EIF2S1: variants seen among roughly 807,000 people sequenced by gnomAD.
The protein encoded by EIF2S1 is eukaryotic translation initiation factor 2 subunit 1.
EIF2S1 carries 5 observed loss-of-function variants against 33.5 expected under a neutral mutation model. That is an observed-to-expected ratio of 0.15 (90% CI 0.08 to 0.31). The LOEUF (loss-of-function observed/expected upper bound fraction) is 0.31, where lower values mean the gene tolerates loss of function less well. Ranked by LOEUF, EIF2S1 falls within the 10% of genes least tolerant of loss-of-function variation. The probability of loss-of-function intolerance (pLI) is 1.00; values close to 1 mark genes in which losing one functional copy is unlikely to be tolerated. For missense variants in EIF2S1, 191 were observed against 384.6 expected (o/e 0.50, Z 4.21); for synonymous variants, 99 against 127.5 (o/e 0.78, Z 1.51).
Position 67,364,774 on chromosome 14 carries a change from G to A in EIF2S1, c.7G>A (p.Gly3Ser), listed in dbSNP as rs1258710396. 2 of 1,611,488 alleles carry A rather than the reference G, an allele frequency of 1.2e-6. No homozygotes were observed. Among genetic ancestry groups the A allele is most frequent in the Admixed American group, 1.7e-5 (1 of 59,776 alleles). Residue 3 changes from glycine (G) to serine (S), a missense_variant, in exon 2 of 8, where the codon GGT (glycine) becomes AGT (serine). Physicochemically the swap from Gly to Ser is moderately conservative, Grantham distance 56. Transcript: ENST00000256383. MP[G>S]LSCRFYQHKF... ...CTTTTGTTTAAATTGCAGAATGCCG[G>A]GTCTAAGTTGTAGATTTTATCAACA...
At chr14:67,368,781 G>A (rs922905010) in intron 2 of EIF2S1, among the ~76,000 whole-genome samples, 5 of 152,092 alleles carry the variant, frequency 3.3e-5, no homozygotes, top group Non-Finnish European at 5.9e-5. Context: ...ACAGCTGTTC[G>A]GGAGGCTGAG....
intron 1 of EIF2S1, chr14:67,364,062 A>T (rs1308312010): frequency 6.6e-6 from 1 of 152,208 alleles, no homozygotes; most frequent in Non-Finnish European, 1.5e-5. Flanking sequence ...CTTTGTAGTA[A>T]TGGAGATTAA....
intron 2 of EIF2S1, among the ~76,000 whole-genome samples, chr14:67,365,370 A>G (rs2085768491): frequency 1.3e-5 from 2 of 152,250 alleles, no homozygotes; most frequent in Admixed American, 6.5e-5. Context: ...CTTGATTTAA[A>G]GCTAAAATAG....
chr14:67,361,440 A>G (rs2085740012), intron 1 of EIF2S1, among the ~76,000 whole-genome samples: 1 of 152,218 alleles, frequency 6.6e-6, no homozygotes, highest in Non-Finnish European at 1.5e-5. Flanking sequence ...TTCAACTATA[A>G]TGATGAAATA....
rs766451703 is a variant in EIF2S1, at chr14:67,364,886, A to G, written c.119A>G (p.Asn40Ser). The G allele has an allele frequency of 4.3e-6, 7 of 1,613,976 alleles. No homozygotes were observed. Among genetic ancestry groups the G allele is most frequent in the East Asian group, 2.2e-5 (1 of 44,880 alleles). The change falls in exon 2 of 8, where the codon AAC (asparagine) becomes AGC (serine). Residue 40 changes from asparagine (N) to serine (S), a missense_variant. By Grantham distance (46) the Asn-to-Ser change is conservative. Transcript: ENST00000256383. The stretch of plus-strand genomic sequence containing the variant: ...GCTTATGTCAGCTTGCTGGAATACA[A>G]CAACATTGAAGGCATGATTCTTCTT... ...MGAYVSLLEY[N>S]NIEGMILLSE...
chr14:67,380,953 A>T (rs2085884681), intron 5 of EIF2S1, among the ~76,000 whole-genome samples, 188 bp downstream of exon 5: 1 of 152,198 alleles, frequency 6.6e-6, no homozygotes, highest in Non-Finnish European at 1.5e-5. Flanking sequence ...TATTGACACA[A>T]GTAGAAACAG....
intron 7 of EIF2S1, 44 bp from the exon 8 acceptor site, chr14:67,383,271 A>G (rs1489673784): frequency 1.3e-6 from 2 of 1,593,286 alleles, no homozygotes; most frequent in African/African-American, 2.7e-5. Flanking sequence ...AAATTTGTAT[A>G]GTATTTACTA....
At position 67,376,080 on chromosome 14, in the gene EIF2S1, A is replaced by G. The variant is rs552353147; in HGVS notation, c.322-359A>G. On this transcript the variant is annotated intron_variant, in intron 3 of 7. Transcript: ENST00000256383. ...TTTTTTTTATCGTGATTCTCTCCTC[A>G]GGGAGTAATAATAACAACTTGTATT... is the stretch of plus-strand genomic sequence containing the variant. Among the ~76,000 whole-genome samples the G allele has an allele frequency of 2.0e-3, 306 of 152,312 alleles. 2 individuals carry two copies. Among genetic ancestry groups the G allele is most frequent in the Non-Finnish European group, 3.3e-3 (222 of 68,020 alleles).
intron 5 of EIF2S1, 152 bp from the exon 6 acceptor site, chr14:67,381,441 C>T (rs1227003380): frequency 1.9e-6 from 1 of 526,904 alleles, no homozygotes. Flanking sequence ...CTCCTCCTTG[C>T]CTCCCTTTTA....
intron 6 of EIF2S1, 47 bp from the exon 7 acceptor site, chr14:67,382,400 G>A: frequency 6.5e-7 from 1 of 1,532,294 alleles, no homozygotes. Flanking sequence ...AATAGTTGTG[G>A]GTTCTGTAGG....
At chr14:67,363,962 A>G (rs1292507553) in intron 1 of EIF2S1, 1 of 152,220 alleles carries the variant, frequency 6.6e-6, no homozygotes, top group Non-Finnish European at 1.5e-5. Context: ...CTTGTGGATC[A>G]TAAAAGGAGT....
chr14:67,377,026 C>G (rs1481164815), intron 4 of EIF2S1, among the ~76,000 whole-genome samples: 2 of 152,200 alleles, frequency 1.3e-5, no homozygotes, highest in African/African-American at 4.8e-5. Context: ...TCTTTTGCCC[C>G]TGCCTCCTAT....
chr14:67,368,029 C>A (rs1236554952), intron 2 of EIF2S1, among the ~76,000 whole-genome samples: 2 of 152,154 alleles, frequency 1.3e-5, no homozygotes, highest in African/African-American at 4.8e-5. Context: ...ATGACACAGT[C>A]CAATGCCCTT....
intron 3 of EIF2S1, among the ~76,000 whole-genome samples, chr14:67,375,222 A>G (rs1384074181): frequency 1.4e-5 from 2 of 147,276 alleles, no homozygotes; most frequent in Non-Finnish European, 3.0e-5. Context: ...CATCCTCTAC[A>G]TCCTCAGTTC....
At chr14:67,369,395 G>A (rs2085803823) in intron 2 of EIF2S1, among the ~76,000 whole-genome samples, 1 of 152,168 alleles carries the variant, frequency 6.6e-6, no homozygotes, top group Non-Finnish European at 1.5e-5. Context: ...GAGAGAAATA[G>A]ACAAATCTAT....
intron 2 of EIF2S1, among the ~76,000 whole-genome samples, chr14:67,372,077 C>T (rs1359760936): frequency 6.6e-6 from 1 of 151,704 alleles, no homozygotes; most frequent in Non-Finnish European, 1.5e-5. Context: ...CCAGCCTGGG[C>T]AACATAGCAG....
intron 2 of EIF2S1, among the ~76,000 whole-genome samples, chr14:67,369,666 C>G (rs1040706794): frequency 6.6e-6 from 1 of 152,164 alleles, no homozygotes; most frequent in African/African-American, 2.4e-5. Context: ...AGTGTCATAT[C>G]TTGGGAGGGA....
chr14:67,379,672 T>G (rs2085876119), intron 4 of EIF2S1, among the ~76,000 whole-genome samples: 1 of 138,554 alleles, frequency 7.2e-6, no homozygotes, highest in South Asian at 2.4e-4. Flanking sequence ...TTTTTTTTTT[T>G]GAGACGGAGT....
intron 1 of EIF2S1, chr14:67,364,270 A>G (rs1014036846): frequency 6.6e-6 from 1 of 152,184 alleles, no homozygotes; most frequent in Non-Finnish European, 1.5e-5. Flanking sequence ...GGCTATAATA[A>G]ATGACAGAAT....
Sources: allele counts gnomAD v4.1 joint callset (sites outside exome capture counted in the v4.1 genomes callset), GRCh38; gene constraint gnomAD v4.1.1; transcripts MANE v1.5; gene names NCBI Gene and HGNC (gene_info 2026-07-23, HGNC 2026-07-21).